The following TEX15 variants were observed in gnomAD, a reference collection of about 807,000 sequenced individuals.
The protein encoded by TEX15 is testis-expressed protein 15.
A neutral mutation model predicts 237.3 loss-of-function variants in TEX15; 171 were observed. The ratio of observed to expected loss-of-function variants is 0.72; its 90% CI spans 0.64 to 0.82. The LOEUF is 0.82. Ranked by LOEUF, TEX15 falls within the 40% of genes least tolerant of loss-of-function variation. The probability of loss-of-function intolerance (pLI) is 0.00; values close to 1 mark genes in which losing one functional copy is unlikely to be tolerated. For synonymous variants in TEX15, 1,338 were observed against 1,269.8 expected, an observed-to-expected ratio of 1.05 and a Z score of -1.14; for missense variants, 3,750 against 3,646.5, an observed-to-expected ratio of 1.03 and a Z score of -0.73.
At chr8:30,908,352 G>A (rs1809152204) in intron 1 of TEX15, among the ~76,000 whole-genome samples, 2 of 152,168 alleles carry the variant, frequency 1.3e-5, no homozygotes, top group African/African-American at 4.8e-5. Flanking sequence ...GAGCCACTGT[G>A]CTGGCATGCT....
chr8:30,897,207 C>A (rs886730831), intron 2 of TEX15, among the ~76,000 whole-genome samples: 1 of 152,162 alleles, frequency 6.6e-6, no homozygotes, highest in African/African-American at 2.4e-5. Context: ...GCTTTACTTT[C>A]CTCATTTGTG....
chr8:30,843,459 G>T lies in TEX15; in HGVS notation c.6708C>A (p.Asp2236Glu), dbSNP rs1807512476. Residue 2236 changes from aspartate to glutamate, a missense_variant, in exon 8 of 11, where the codon GAC (aspartate) becomes GAA (glutamate). Transcript: ENST00000643185. Reference sequence around the variant, plus strand: ...TCATTTCTATGATAATCCACAGATGGTCCTGTTTTCCTGGATACGAATGAA... The same window carrying T: ...TCATTTCTATGATAATCCACAGATGTTCCTGTTTTCCTGGATACGAATGAA... ...PKVHSYPGKQ[D>E]HLWIIIEMIS... is the part of the protein sequence containing the mutation. 6.2e-7 allele frequency: 1 copy of T among 1,612,698 alleles called. No homozygotes were observed. Among genetic ancestry groups the T allele is most frequent in the Admixed American group, 1.7e-5 (1 of 59,914 alleles).
At chr8:30,872,913 A>AT (rs1808321731) in intron 4 of TEX15, among the ~76,000 whole-genome samples, 1 of 152,184 alleles carries the variant, frequency 6.6e-6, no homozygotes, top group Non-Finnish European at 1.5e-5. Flanking sequence ...GCTAAGGTTT[A>AT]TTATTGAGAA....
Position 30,836,901 on chromosome 8 carries a change from G to A in TEX15, c.9383C>T (p.Pro3128Leu), listed in dbSNP as rs753005214. Residue 3128 changes from proline (P) to leucine (L), a missense_variant, in exon 10 of 11, where the codon CCA (proline) becomes CTA (leucine). By Grantham distance (98) the Pro-to-Leu change is moderately conservative. Transcript: ENST00000643185. ...SQIPASNFRQ[P>L]IFSQYASHQP... ...ATGAGAAGCATATTGTGAAAAAATT[G>A]GCTGCCGAAAATTAGAAGCAGGTAT... is the stretch of plus-strand genomic sequence containing the variant. 6.2e-7 allele frequency: 1 copy of A among 1,614,156 alleles called. No individual in the cohort carries two copies. The highest frequency in any genetic ancestry group is 8.5e-7 in the Non-Finnish European group (1 of 1,180,012).
chr8:30,876,758 A>T (rs1473039266), intron 3 of TEX15, among the ~76,000 whole-genome samples: 1 of 152,154 alleles, frequency 6.6e-6, no homozygotes, highest in Non-Finnish European at 1.5e-5. Context: ...AATCACCAAC[A>T]AAAATGTTAA....
In TEX15 at chr8:30,837,790, T is replaced by G; in HGVS notation, c.8494A>C (p.Ser2832Arg). 1 of 1,614,180 alleles carries G rather than the reference T, an allele frequency of 6.2e-7. No individual in the cohort carries two copies. ...NVNFSAAETK[S>R]DKKDCAAFAI... ...AAAGCAGCACAATCTTTCTTATCAC[T>G]TTTTGTTTCAGCAGCACTGAAGTTC... The change falls in exon 10 of 11, where the codon AGT becomes CGT. Residue 2832 changes from serine (S) to arginine (R), a missense_variant. Transcript: ENST00000643185.
chr8:30,907,304 G>A (rs1809122683), intron 1 of TEX15, among the ~76,000 whole-genome samples: 1 of 151,814 alleles, frequency 6.6e-6, no homozygotes, highest in Admixed American at 6.6e-5. Flanking sequence ...TATTTCTCCT[G>A]GTGACTGGAT....
At chr8:30,877,926 C>T (rs1423173302) in intron 3 of TEX15, among the ~76,000 whole-genome samples, 1 of 152,108 alleles carries the variant, frequency 6.6e-6, no homozygotes, top group Non-Finnish European at 1.5e-5. Context: ...AGAGACATCC[C>T]TTCTGCCACT....
intron 1 of TEX15, among the ~76,000 whole-genome samples, chr8:30,910,940 TA>T (rs1809202459): frequency 6.6e-6 from 1 of 152,186 alleles, no homozygotes; most frequent in Admixed American, 6.5e-5. Flanking sequence ...GCATTAAACG[TA>T]TCTCTAAATA....
chr8:30,834,942 C>G (rs780056156), intron 10 of TEX15, among the ~76,000 whole-genome samples: 2 of 152,122 alleles, frequency 1.3e-5, no homozygotes, highest in African/African-American at 4.8e-5. Context: ...TTCTACATAT[C>G]CATTTGTAAC....
In TEX15 at chr8:30,837,874, A is replaced by G; in HGVS notation, c.8410T>C (p.Ser2804Pro). The change falls in exon 10 of 11, where the codon TCA becomes CCA. Residue 2804 changes from serine to proline, a missense_variant. By Grantham distance (74) the Ser-to-Pro change is moderately conservative. Transcript: ENST00000643185. ...TGTTGTCCACTGAAGTGATCAGATG[A>G]AACAGTTAAGTCTATTTTGCTTTCC... ...KSESKIDLTV[S>P]SDHFSGQQEN... 6.2e-7 allele frequency: 1 copy of G among 1,614,174 alleles called. No homozygotes were observed. Among genetic ancestry groups the G allele is most frequent in the South Asian group, 1.1e-5 (1 of 91,076 alleles).
rs117761673 is a variant in TEX15, at chr8:30,833,056, T to C, written c.*230A>G. The C allele has an allele frequency of 3.3e-3, 1,262 of 386,548 alleles. 15 individuals carry two copies. The highest frequency in any genetic ancestry group is 0.02 in the Admixed American group (441 of 22,424). The allele number at this position is 386,548 out of a possible 1,614,324, so 23.9% of individuals were successfully genotyped here. ...CCACTATTGCTTAACTTTGATCATA[T>C]TACCCTCCCCTTATAATTGCATGGA... On this transcript the variant is annotated 3_prime_UTR_variant, in exon 11 of 11. Coordinates refer to ENST00000643185, the MANE Select transcript of TEX15 (RefSeq NM_001350162.2).
Position 30,847,798 on chromosome 8 carries a change from G to A in TEX15, c.2369C>T (p.Thr790Ile), listed in dbSNP as rs892225370. 6.2e-7 allele frequency: 1 copy of A among 1,613,756 alleles called. No individual in the cohort carries two copies. Among genetic ancestry groups the A allele is most frequent in the South Asian group, 1.1e-5 (1 of 91,076 alleles). The change falls in exon 8 of 11, where the codon ACA (threonine) becomes ATA (isoleucine). Residue 790 changes from threonine (T) to isoleucine (I), a missense_variant. Coordinates refer to ENST00000643185, the MANE Select transcript of TEX15 (RefSeq NM_001350162.2). The stretch of plus-strand genomic sequence containing the variant: ...GCTGCAATTTGAACTGTCATGAGCT[G>A]TTTCTATGTTATAAGATGAAATAAC... Reference protein sequence around the residue: ...DTVISSYNIETAHDSSNCSIT... With the variant: ...DTVISSYNIEIAHDSSNCSIT...
chr8:30,907,446 T>A (rs1386380509), intron 1 of TEX15, among the ~76,000 whole-genome samples: 1 of 148,090 alleles, frequency 6.8e-6, no homozygotes, highest in Non-Finnish European at 1.5e-5. Context: ...ATATATACAA[T>A]GTATATATAA....
chr8:30,843,945 T>C lies in TEX15; in HGVS notation c.6222A>G (p.Val2074=). Residue 2074 remains valine (V), a synonymous_variant, in exon 8 of 11, where the codon GTA becomes GTG. Coordinates refer to ENST00000643185, the MANE Select transcript of TEX15 (RefSeq NM_001350162.2). ...TLKPCAVDTL[V]ELQMMMETIQ... is the part of the protein sequence containing the mutation. ...TTGTTTCCATCATCATTTGAAGTTC[T>C]ACCAAAGTGTCAACAGCACATGGTT... The C allele has an allele frequency of 1.2e-6, 2 of 1,613,064 alleles. No homozygotes were observed. Among genetic ancestry groups the C allele is most frequent in the Non-Finnish European group, 1.7e-6 (2 of 1,179,658 alleles).
intron 3 of TEX15, among the ~76,000 whole-genome samples, chr8:30,875,729 C>A (rs535498262): frequency 1.3e-5 from 2 of 151,824 alleles, no homozygotes; most frequent in African/African-American, 4.8e-5. Context: ...TTCCCACCAA[C>A]ATCGAGTCAC....
In TEX15 at chr8:30,846,475, G is replaced by C. The variant is rs138848319; in HGVS notation, c.3692C>G (p.Pro1231Arg). ...KVDNIRQESGPVSNSEISLSF... is the reference protein window; with the variant it reads ...KVDNIRQESGRVSNSEISLSF... ...AAGGGAGATTTCAGAGTTACTCACT[G>C]GCCCTGATTCTTGCCTTATATTATC... Residue 1231 changes from proline to arginine, a missense_variant, in exon 8 of 11, where the codon CCA (proline) becomes CGA (arginine). By Grantham distance (103) the Pro-to-Arg change is moderately radical. Coordinates refer to ENST00000643185, the MANE Select transcript of TEX15 (RefSeq NM_001350162.2). 159 of 1,613,354 alleles carry C rather than the reference G, an allele frequency of 9.9e-5. No individual in the cohort carries two copies. In the African/African-American group the frequency reaches 2.0e-3, roughly 21 times the overall value.
In TEX15 at chr8:30,842,436, A is replaced by AT. The variant is rs1807481472; in HGVS notation, c.7730dup (p.Tyr2577Ter). ...DFVPYIASIN[Y>*]GSTVTELEYN... ...ATTCTAACTCTGTCACAGTGCTTCC[A>AT]TAATTTATGGATGCTATATATGGCA... Residue 2577 changes from tyrosine to a stop codon, truncating the protein, a stop_gained and frameshift_variant, in exon 8 of 11, where the codon TAT becomes TAAT. Coordinates refer to ENST00000643185, the MANE Select transcript of TEX15 (RefSeq NM_001350162.2). LOFTEE classifies it high-confidence loss of function. 1.2e-6 allele frequency: 2 copies of AT among 1,613,644 alleles called. No homozygotes were observed. Among genetic ancestry groups the AT allele is most frequent in the East Asian group, 4.5e-5 (2 of 44,844 alleles).
intron 7 of TEX15, 110 bp downstream of exon 7, chr8:30,858,558 A>G (rs1404153621): frequency 1.1e-6 from 1 of 951,836 alleles, no homozygotes; most frequent in Non-Finnish European, 1.5e-6. Flanking sequence ...TCCGCCTCCC[A>G]AAGTGCTAGG....
Sources: gnomAD v4.1 joint callset for allele counts (sites outside exome capture counted in the v4.1 genomes callset) on GRCh38, gnomAD v4.1.1 for gene constraint, MANE v1.5 for transcripts, NCBI Gene and HGNC (gene_info 2026-07-23, HGNC 2026-07-21) for gene names.